BMPR1A: variants seen among roughly 807,000 people sequenced by gnomAD.
BMPR1A encodes the protein bone morphogenetic protein receptor type 1A, also known as bone morphogenetic protein receptor type-1A.
BMPR1A carries 7 observed loss-of-function variants against 66.0 expected under a neutral mutation model. The ratio of observed to expected loss-of-function variants is 0.11; its 90% CI spans 0.06 to 0.20. BMPR1A has a LOEUF of 0.20. Ranked by LOEUF, BMPR1A falls within the 10% of genes least tolerant of loss-of-function variation. BMPR1A has a pLI of 1.00. For synonymous variants in BMPR1A, 200 were observed against 229.7 expected, an observed-to-expected ratio of 0.87 and a Z score of 1.17; for missense variants, 408 against 669.1, an observed-to-expected ratio of 0.61 and a Z score of 4.31.
intron 1 of BMPR1A, among the ~76,000 whole-genome samples, chr10:86,805,870 A>G (rs566689496): frequency 7.3e-5 from 11 of 150,102 alleles, no homozygotes; most frequent in African/African-American, 2.7e-4. Context: ...TCTGTATTCC[A>G]GTTTTGTCAG....
At chr10:86,824,105 G>GTGTGTGTGTGTGTGTGTGTTTGTGTGTT (rs150991310) in intron 1 of BMPR1A, among the ~76,000 whole-genome samples, 1 of 147,280 alleles carries the variant, frequency 6.8e-6, no homozygotes, top group Non-Finnish European at 1.5e-5. Context: ...GTGTGTGTGT[G>GTGTGTGTGTGTGTGTGTGTTTGTGTGTT]TGTGTGTTTC....
At chr10:86,916,704 T>A (rs186133351) in intron 8 of BMPR1A, among the ~76,000 whole-genome samples, 2 of 152,106 alleles carry the variant, frequency 1.3e-5, no homozygotes, top group African/African-American at 4.8e-5. Flanking sequence ...TAAAGTACAT[T>A]ATGGCCGGGC....
chr10:86,785,130 A>C (rs1841497630), intron 1 of BMPR1A, among the ~76,000 whole-genome samples: 2 of 152,116 alleles, frequency 1.3e-5, no homozygotes, highest in South Asian at 4.1e-4. Flanking sequence ...TGAATTTTTT[A>C]GTTTTCCTAC....
chr10:86,799,502 CTTCCT>C (rs1564688821), intron 1 of BMPR1A, among the ~76,000 whole-genome samples: 1 of 122,548 alleles, frequency 8.2e-6, no homozygotes, highest in Non-Finnish European at 1.7e-5. Context: ...TCCTTCCTTC[CTTCCT>C]TTCTTTTCTT....
chr10:86,868,429 G>GT (rs1842810612), intron 2 of BMPR1A, among the ~76,000 whole-genome samples: 1 of 151,696 alleles, frequency 6.6e-6, no homozygotes, highest in Admixed American at 6.6e-5. Context: ...GAATGGATGA[G>GT]TTGCTTGTTA....
At chr10:86,874,206 GTTAT>G (rs766847031) in intron 2 of BMPR1A, among the ~76,000 whole-genome samples, 17 of 151,984 alleles carry the variant, frequency 1.1e-4, no homozygotes, top group East Asian at 3.9e-4. Flanking sequence ...CTTTTCCCCC[GTTAT>G]TTATTTAACA....
intron 11 of BMPR1A, among the ~76,000 whole-genome samples, chr10:86,922,135 G>C (rs1037298547): frequency 2.6e-5 from 4 of 151,988 alleles, no homozygotes; most frequent in African/African-American, 9.7e-5. Context: ...GATCTCACAA[G>C]TAAGTGAGAA....
At chr10:86,772,321 G>A (rs182719472) in intron 1 of BMPR1A, among the ~76,000 whole-genome samples, 4 of 151,730 alleles carry the variant, frequency 2.6e-5, no homozygotes, top group East Asian at 1.9e-4. Context: ...TAGTAGAGAC[G>A]GGGTTTCACC....
chr10:86,873,148 A>G (rs1358202959), intron 2 of BMPR1A, among the ~76,000 whole-genome samples: 2 of 152,184 alleles, frequency 1.3e-5, no homozygotes, highest in African/African-American at 4.8e-5. Flanking sequence ...AGCTTTAAAT[A>G]AACCAATGAG....
chr10:86,880,240 C>T (rs186190589), intron 3 of BMPR1A, among the ~76,000 whole-genome samples: 34 of 152,254 alleles, frequency 2.2e-4, no homozygotes, highest in Admixed American at 1.0e-3. Flanking sequence ...AGTTAAATAT[C>T]TTGTCTTGAT....
intron 1 of BMPR1A, among the ~76,000 whole-genome samples, chr10:86,771,612 T>G (rs1456980949): frequency 1.3e-5 from 2 of 152,218 alleles, no homozygotes; most frequent in Non-Finnish European, 2.9e-5. Context: ...AACCACATAA[T>G]TATATTGTCA....
intron 1 of BMPR1A, among the ~76,000 whole-genome samples, chr10:86,829,991 G>T (rs894603301): frequency 6.6e-6 from 1 of 152,178 alleles, no homozygotes; most frequent in Non-Finnish European, 1.5e-5. Context: ...GATCATCCCT[G>T]TAAGTGTAGG....
intron 10 of BMPR1A, among the ~76,000 whole-genome samples, chr10:86,921,084 C>A (rs1843656266): frequency 6.6e-6 from 1 of 152,092 alleles, no homozygotes; most frequent in Admixed American, 6.6e-5. Flanking sequence ...GAACACCTGA[C>A]CTCAGGTGAT....
At chr10:86,816,135 A>G (rs935887843) in intron 1 of BMPR1A, among the ~76,000 whole-genome samples, 1 of 152,236 alleles carries the variant, frequency 6.6e-6, no homozygotes, top group Non-Finnish European at 1.5e-5. Flanking sequence ...TGTGCTGTCT[A>G]ACATGGCAGC....
chr10:86,762,329 C>G (rs1359031320), intron 1 of BMPR1A, among the ~76,000 whole-genome samples: 1 of 152,168 alleles, frequency 6.6e-6, no homozygotes, highest in Admixed American at 6.5e-5. Context: ...CTTGTATGGT[C>G]TAGCAAAGAG....
intron 7 of BMPR1A, among the ~76,000 whole-genome samples, chr10:86,909,871 G>GA (rs895182424): frequency 1.7e-4 from 26 of 152,260 alleles, no homozygotes; most frequent in African/African-American, 6.0e-4. Context: ...AAGGTGTAGG[G>GA]AAAATAGGCA....
intron 1 of BMPR1A, among the ~76,000 whole-genome samples, chr10:86,761,967 G>A (rs1219179273): frequency 3.7e-4 from 57 of 152,188 alleles, no homozygotes; most frequent in Admixed American, 3.7e-3. Context: ...TTTGACAGAG[G>A]TTTGTGCTGG....
intron 3 of BMPR1A, among the ~76,000 whole-genome samples, chr10:86,889,081 C>T (rs1282705794): frequency 6.6e-6 from 1 of 152,052 alleles, no homozygotes; most frequent in African/African-American, 2.4e-5. Context: ...TGAGAGTAAC[C>T]CACAAAGAAT....
intron 1 of BMPR1A, among the ~76,000 whole-genome samples, chr10:86,782,041 T>C (rs1482800609): frequency 9.9e-5 from 1 of 10,106 alleles, no homozygotes; most frequent in African/African-American, 4.9e-4. Context: ...TTTTGTATTT[T>C]TGGTAGAGAC....
Sources: allele counts gnomAD v4.1 joint callset (sites outside exome capture counted in the v4.1 genomes callset), GRCh38; gene constraint gnomAD v4.1.1; transcripts MANE v1.5; gene names NCBI Gene and HGNC (gene_info 2026-07-23, HGNC 2026-07-21).